SYTL2: variants seen among roughly 807,000 people sequenced by gnomAD.
The protein encoded by SYTL2 is synaptotagmin like 2.
Under a neutral mutation model 198.7 loss-of-function variants are expected in SYTL2, and 165 were observed. The observed-to-expected ratio is 0.83, with a 90% confidence interval of 0.73 to 0.94. The LOEUF is 0.94. Ranked by LOEUF, SYTL2 falls within the 40% of genes least tolerant of loss-of-function variation. SYTL2 has a pLI of 0.00. For missense variants in SYTL2, 2,835 were observed against 2,582.8 expected, an observed-to-expected ratio of 1.10 and a Z score of -2.12; for synonymous variants, 966 against 917.7, an observed-to-expected ratio of 1.05 and a Z score of -0.95.
intron 16 of SYTL2, among the ~76,000 whole-genome samples, chr11:85,703,171 T>C (rs2084609570): frequency 6.6e-6 from 1 of 152,122 alleles, no homozygotes; most frequent in South Asian, 2.1e-4. Context: ...TACTTGTAAT[T>C]GGAGTTTCCA....
the SYTL2 span, among the ~76,000 whole-genome samples, chr11:85,846,918 G>C: frequency 1.3e-5 from 2 of 151,752 alleles, no homozygotes; most frequent in South Asian, 4.2e-4. Context: ...ATTTTCAGTA[G>C]AGATGGGGTG....
chr11:85,711,882 T>G (rs1230157206), intron 12 of SYTL2, among the ~76,000 whole-genome samples: 1 of 152,218 alleles, frequency 6.6e-6, no homozygotes, highest in East Asian at 1.9e-4. Flanking sequence ...CATTAGATTT[T>G]AACACATTTT....
chr11:85,740,117 C>A (rs1433660532), intron 4 of SYTL2, among the ~76,000 whole-genome samples: 1 of 152,142 alleles, frequency 6.6e-6, no homozygotes, highest in Non-Finnish European at 1.5e-5. Context: ...TTTGCAGGAT[C>A]CTCAAGGCCT....
rs1242224385 is a variant in SYTL2 at position 85,711,242 on chromosome 11, A to G, written c.5626-10T>C. ...TTTCTCTGTCATCACTCTACAAAAC[A>G]GCATATAATATGCACAATATTTAAA... On this transcript the variant is annotated splice_polypyrimidine_tract_variant and intron_variant, in intron 12 of 19. Coordinates refer to ENST00000359152, the MANE Select transcript of SYTL2 (RefSeq NM_206927.4). 1 of 1,611,198 alleles carries G rather than the reference A, an allele frequency of 6.2e-7. No individual in the cohort carries two copies. The highest frequency in any genetic ancestry group is 8.5e-7 in the Non-Finnish European group (1 of 1,178,866).
At chr11:85,817,419 C>A in the SYTL2 span, among the ~76,000 whole-genome samples, 180 of 152,088 alleles carry the variant, frequency 1.2e-3, 1 homozygote, top group Non-Finnish European at 6.9e-4. Context: ...CACACACACA[C>A]CCCTCATCAG....
At chr11:85,827,237 AC>A in the SYTL2 span, among the ~76,000 whole-genome samples, 1 of 151,984 alleles carries the variant, frequency 6.6e-6, no homozygotes, top group Non-Finnish European at 1.5e-5. Flanking sequence ...TTCCCTTCCC[AC>A]CTCTATTCCC....
chr11:85,799,840 T>A (rs1346570051), intron 1 of SYTL2, among the ~76,000 whole-genome samples: 1 of 152,214 alleles, frequency 6.6e-6, no homozygotes, highest in African/African-American at 2.4e-5. Context: ...ACTCTGAGCC[T>A]AAAACAATTT....
At chr11:85,802,853 A>C (rs1033706258) in intron 1 of SYTL2, among the ~76,000 whole-genome samples, 4 of 152,240 alleles carry the variant, frequency 2.6e-5, no homozygotes, top group African/African-American at 9.6e-5. Flanking sequence ...TGCTAACCAC[A>C]GTTAAATTAG....
chr11:85,748,482 T>C, intron 2 of SYTL2, 59 bp from the exon 3 acceptor site: 1 of 1,555,846 alleles, frequency 6.4e-7, no homozygotes, highest in Middle Eastern at 1.9e-4. Context: ...ATGAGTTCAT[T>C]ATGACACCGC....
chr11:85,722,408 T>C (rs888192605), intron 8 of SYTL2, among the ~76,000 whole-genome samples: 2 of 152,104 alleles, frequency 1.3e-5, no homozygotes, highest in African/African-American at 4.8e-5. Flanking sequence ...TATCCTCACC[T>C]CATGATCTGC....
Position 85,757,748 on chromosome 11 carries a change from A to T in SYTL2, c.-23T>A. 6.2e-7 allele frequency: 1 copy of T among 1,608,014 alleles called. No homozygotes were observed. The highest frequency in any genetic ancestry group is 8.5e-7 in the Non-Finnish European group (1 of 1,179,698). ...CATTTTGAAAAGTGCATGCAAAAAT[A>T]ATAGCAACAAATGTGGCTCAAAATT... is the stretch of plus-strand genomic sequence containing the variant. On this transcript the variant is annotated 5_prime_UTR_variant, in exon 2 of 20. Coordinates refer to ENST00000359152, the MANE Select transcript of SYTL2 (RefSeq NM_206927.4).
chr11:85,722,489 C>A (rs1220929075), intron 8 of SYTL2, among the ~76,000 whole-genome samples: 1 of 152,078 alleles, frequency 6.6e-6, no homozygotes, highest in South Asian at 2.1e-4. Context: ...GATTATTTAA[C>A]GCTGCCTTTT....
At chr11:85,700,638 T>C in intron 16 of SYTL2, 45 bp from the exon 17 acceptor site, 1 of 1,456,184 alleles carries the variant, frequency 6.9e-7, no homozygotes, top group Non-Finnish European at 9.7e-7. Context: ...AAACTTTTCA[T>C]CCTGTTTGTT....
In SYTL2 at chr11:85,712,691, C is replaced by T. The variant is rs1437445030; in HGVS notation, c.5626-1459G>A. On this transcript the variant is annotated intron_variant, in intron 12 of 19. Coordinates refer to ENST00000359152, the MANE Select transcript of SYTL2 (RefSeq NM_206927.4). ...ACTTATATAATTTGCCTCGAAAATA[C>T]ATATACACACACACACACACACACA... Among the ~76,000 whole-genome samples the T allele has an allele frequency of 4.8e-5, 7 of 145,912 alleles. 1 individual carries two copies. Among genetic ancestry groups the T allele is most frequent in the Admixed American group, 1.4e-4 (2 of 14,358 alleles).
At chr11:85,723,958 TA>T (rs34653849) in intron 8 of SYTL2, 73 bp downstream of exon 8, 5 of 761,918 alleles carry the variant, frequency 6.6e-6, no homozygotes, top group South Asian at 4.3e-5. Flanking sequence ...TAATCCCAAT[TA>T]AAAAAAATCA....
intron 15 of SYTL2, among the ~76,000 whole-genome samples, chr11:85,706,497 A>G (rs150167407): frequency 3.3e-4 from 51 of 152,340 alleles, no homozygotes; most frequent in African/African-American, 1.2e-3. Flanking sequence ...ACAGCCCCTC[A>G]TAAGAGGAGG....
At chr11:85,768,508 A>T (rs1000285091) in intron 1 of SYTL2, among the ~76,000 whole-genome samples, 4 of 152,198 alleles carry the variant, frequency 2.6e-5, no homozygotes, top group Non-Finnish European at 4.4e-5. Flanking sequence ...ATGGCCTGGG[A>T]CACAGTAAGT....
chr11:85,791,814 G>A (rs1462273056), intron 1 of SYTL2, among the ~76,000 whole-genome samples: 3 of 152,078 alleles, frequency 2.0e-5, no homozygotes, highest in African/African-American at 7.3e-5. Flanking sequence ...GGAGCCATAA[G>A]GAAGGGAATA....
intron 1 of SYTL2, among the ~76,000 whole-genome samples, chr11:85,792,749 G>C (rs1181745496): frequency 1.3e-5 from 2 of 151,568 alleles, no homozygotes; most frequent in African/African-American, 4.9e-5. Context: ...TTTAGCATTA[G>C]GTAGATCTCC....
Sources: gnomAD v4.1 joint callset for allele counts (sites outside exome capture counted in the v4.1 genomes callset) on GRCh38, gnomAD v4.1.1 for gene constraint, MANE v1.5 for transcripts, NCBI Gene and HGNC (gene_info 2026-07-23, HGNC 2026-07-21) for gene names.